Variants in TMEM63B observed in about 807,000 individuals in gnomAD.
The protein encoded by TMEM63B is mechanosensitive cation channel TMEM63B.
Under a neutral mutation model 102.6 loss-of-function variants are expected in TMEM63B, and 23 were observed. The observed-to-expected ratio is 0.22, with a 90% confidence interval of 0.16 to 0.32. The LOEUF (loss-of-function observed/expected upper bound fraction) is 0.32, where lower values mean the gene tolerates loss of function less well. TMEM63B is among the 10% of genes least tolerant of loss of function. The pLI, the probability that TMEM63B is intolerant of heterozygous loss-of-function variation, is 1.00. For synonymous variants in TMEM63B, 444 were observed against 437.0 expected (o/e 1.02, Z -0.20); for missense variants, 628 against 1,095.9 (o/e 0.57, Z 6.03).
At chr6:44,141,161 C>T in intron 10 of TMEM63B, 63 bp downstream of exon 10, 2 of 1,512,784 alleles carry the variant, frequency 1.3e-6, no homozygotes, top group Non-Finnish European at 1.8e-6. Context: ...TGCCTTTGAA[C>T]TCTAAGAACA....
At chr6:44,153,160 G>C (rs1767137216) in intron 20 of TMEM63B, among the ~76,000 whole-genome samples, 1 of 152,182 alleles carries the variant, frequency 6.6e-6, no homozygotes, top group Non-Finnish European at 1.5e-5. Flanking sequence ...ACTTGGCCAG[G>C]TCTCTCTTCC....
chr6:44,147,578 T>A, intron 12 of TMEM63B, 78 bp downstream of exon 12: 1 of 1,561,794 alleles, frequency 6.4e-7, no homozygotes. Context: ...CTGCCCTCAG[T>A]GAGTCCCCAC....
At chr6:44,130,304 T>C (rs1778015993) in intron 1 of TMEM63B, among the ~76,000 whole-genome samples, 1 of 152,230 alleles carries the variant, frequency 6.6e-6, no homozygotes, top group Admixed American at 6.5e-5. Context: ...CTCAGTGTCC[T>C]CCTGGGGTTG....
intron 10 of TMEM63B, among the ~76,000 whole-genome samples, chr6:44,142,849 A>G (rs1764574771): frequency 6.6e-6 from 1 of 152,166 alleles, no homozygotes; most frequent in Admixed American, 6.5e-5. Flanking sequence ...CATCTCTACA[A>G]AAAATATAAA....
At chr6:44,141,895 G>A (rs542177970) in intron 10 of TMEM63B, among the ~76,000 whole-genome samples, 2 of 152,034 alleles carry the variant, frequency 1.3e-5, no homozygotes, top group African/African-American at 2.4e-5. Flanking sequence ...GCCAAAGTGG[G>A]CAGATCACTT....
chr6:44,134,116 CA>C (rs899264171), intron 1 of TMEM63B, among the ~76,000 whole-genome samples: 2 of 152,290 alleles, frequency 1.3e-5, no homozygotes, highest in Admixed American at 1.3e-4. Context: ...GCTCCTGACC[CA>C]TTCTCCCCTG....
chr6:44,127,992 G>T (rs1432394977), intron 1 of TMEM63B: 1 of 149,914 alleles, frequency 6.7e-6, no homozygotes, highest in South Asian at 2.1e-4. Flanking sequence ...CCACCTGCCC[G>T]GTGCAGGTGC....
chr6:44,145,606 A>T (rs1373822282), intron 10 of TMEM63B, among the ~76,000 whole-genome samples: 2 of 146,000 alleles, frequency 1.4e-5, no homozygotes, highest in African/African-American at 2.7e-5. Context: ...ACAAAACAAA[A>T]CAAAAACAAA....
chr6:44,138,362 G>C (rs1763427402), intron 5 of TMEM63B, 118 bp from the exon 6 acceptor site: 3 of 1,273,404 alleles, frequency 2.4e-6, no homozygotes, highest in Non-Finnish European at 3.4e-6. Context: ...TTTTTTTTTA[G>C]TGAGGGGTGT....
chr6:44,143,754 G>A (rs115956017), intron 10 of TMEM63B, among the ~76,000 whole-genome samples: 1,639 of 152,170 alleles, frequency 0.011, 23 homozygotes, highest in African/African-American at 0.037. Context: ...GTCAAGAAGA[G>A]GTAGGTGCTA....
intron 20 of TMEM63B, among the ~76,000 whole-genome samples, chr6:44,153,011 A>G (rs1014093439): frequency 1.6e-4 from 24 of 152,190 alleles, no homozygotes; most frequent in African/African-American, 5.1e-4. Context: ...ACGTGCTGAC[A>G]TGTTCACACA....
chr6:44,135,291 C>G, intron 3 of TMEM63B, 37 bp from the exon 4 acceptor site: 1 of 1,603,418 alleles, frequency 6.2e-7, no homozygotes, highest in Non-Finnish European at 8.5e-7. Flanking sequence ...GGGACTCTCC[C>G]CCGCCCCTGC....
chr6:44,138,738 C>CCCCCCCCCCCA (rs1763560239), intron 6 of TMEM63B: 1 of 398,114 alleles, frequency 2.5e-6, no homozygotes. Flanking sequence ...CCCTGCCGGC[C>CCCCCCCCCCCA]CCCCCGCTTC....
At chr6:44,146,777 G>A (rs1283795456) in intron 10 of TMEM63B, 70 bp from the exon 11 acceptor site, 1 of 1,450,506 alleles carries the variant, frequency 6.9e-7, no homozygotes, top group South Asian at 1.1e-5. Context: ...AAGGTGATGG[G>A]GTCATGGATG....
rs746658272 is a variant in TMEM63B at position 44,152,589 on chromosome 6, C to G, written c.1837-4C>G. 21 of 1,607,510 alleles carry G rather than the reference C, an allele frequency of 1.3e-5. No homozygotes were observed. The highest frequency in any genetic ancestry group is 4.0e-5 in the African/African-American group (3 of 74,904). ...AGCCATCCTCCTGCCCGTCTCCCCC[C>G]CAGCATCAGGCCTACGAGTTCCAGT... On this transcript the variant is annotated splice_polypyrimidine_tract_variant and splice_region_variant and intron_variant, in intron 19 of 23. Coordinates refer to ENST00000323267, the MANE Select transcript of TMEM63B (RefSeq NM_018426.3). The surrounding 1 kb of genome is among the most constrained non-coding windows in gnomAD (Gnocchi z 6.4).
chr6:44,147,798 G>C (rs1452619319), intron 12 of TMEM63B, among the ~76,000 whole-genome samples: 1 of 152,202 alleles, frequency 6.6e-6, no homozygotes, highest in African/African-American at 2.4e-5. Flanking sequence ...TTATGAGAGT[G>C]TTGTGAGGGT....
chr6:44,134,200 C>T (rs1208981260), intron 1 of TMEM63B, among the ~76,000 whole-genome samples: 1 of 152,148 alleles, frequency 6.6e-6, no homozygotes, highest in Non-Finnish European at 1.5e-5. Flanking sequence ...GGCTCAGCTC[C>T]GCCCCCTGCC....
intron 5 of TMEM63B, among the ~76,000 whole-genome samples, chr6:44,137,518 G>C (rs1295277832): frequency 6.6e-6 from 1 of 152,116 alleles, no homozygotes; most frequent in Non-Finnish European, 1.5e-5. Context: ...AGGTGATGTT[G>C]GCAACAGGTA....
intron 10 of TMEM63B, 37 bp downstream of exon 10, chr6:44,141,135 G>A (rs1479548135): frequency 6.2e-7 from 1 of 1,600,292 alleles, no homozygotes; most frequent in Admixed American, 1.7e-5. Context: ...CTCAAGCCCT[G>A]CTGCAGAGCC....
Sources: gnomAD v4.1 joint callset for allele counts (sites outside exome capture counted in the v4.1 genomes callset) on GRCh38, gnomAD v4.1.1 for gene constraint, Gnocchi (gnomAD v3.1) non-coding constraint, MANE v1.5 for transcripts, NCBI Gene and HGNC (gene_info 2026-07-23, HGNC 2026-07-21) for gene names.